NMRK2: variants seen among roughly 807,000 people sequenced by gnomAD.
NMRK2 encodes the protein NRK 2.
A neutral mutation model predicts 24.7 loss-of-function variants in NMRK2; 34 were observed. The observed-to-expected ratio is 1.37, with a 90% CI of 1.05 to 1.83. The LOEUF is 1.83. Among genes scored for constraint, NMRK2 ranks in the 40% most tolerant of loss-of-function variants. NMRK2 has a pLI of 0.00. For synonymous variants in NMRK2, 145 were observed against 125.6 expected (o/e 1.15, Z -1.03); for missense variants, 341 against 315.0 (o/e 1.08, Z -0.62).
Position 3,941,075 on chromosome 19 carries a change from C to A in NMRK2, c.400C>A (p.Arg134Ser). 1 of 1,610,060 alleles carries A rather than the reference C, an allele frequency of 6.2e-7. No homozygotes were observed. The highest frequency in any genetic ancestry group is 2.2e-5 in the East Asian group (1 of 44,796). The part of the protein sequence containing the change: ...YEECKWRRST[R>S]NYTVPDPPGL... ...CCTTGCCTTCTCCCTCTGCAGTACC[C>A]GCAACTACACAGTCCCTGATCCCCC... The change falls in exon 7 of 8, where the codon CGC (arginine) becomes AGC (serine). Residue 134 changes from arginine (R) to serine (S), a missense_variant. By Grantham distance (110) the Arg-to-Ser change is moderately radical. Transcript: ENST00000168977.
At chr19:3,933,354 G>A (rs1245831846) in intron 1 of NMRK2, 104 bp from the exon 2 acceptor site, 4 of 413,486 alleles carry the variant, frequency 9.7e-6, no homozygotes, top group African/African-American at 6.4e-5. Context: ...GGGTAAGAAG[G>A]GGAGGAGAGG....
chr19:3,939,870 T>G (rs372177012), intron 5 of NMRK2, 30 bp from the exon 6 acceptor site: 2 of 1,596,052 alleles, frequency 1.3e-6, no homozygotes, highest in Non-Finnish European at 1.7e-6. Flanking sequence ...AGCTCACAGG[T>G]GCTGACCGTG....
chr19:3,934,303 C>T (rs1317704087), intron 2 of NMRK2, among the ~76,000 whole-genome samples: 1 of 152,150 alleles, frequency 6.6e-6, no homozygotes, highest in Non-Finnish European at 1.5e-5. Context: ...ACCCTCCTCC[C>T]GCCTCGTGGC....
rs747424013 is a variant in NMRK2 at position 3,942,064 on chromosome 19, G to A, written c.503-19G>A. On this transcript the variant is annotated intron_variant, in intron 7 of 7. Transcript: ENST00000168977. ...CCCCCTTCCTCCCGGCAGCCCTGAC[G>A]CAGCCTTTCTGATTTCAGTCTACCT... 4.7e-5 allele frequency: 76 copies of A among 1,607,858 alleles called. No homozygotes were observed. Among genetic ancestry groups the A allele is most frequent in the Middle Eastern group, 1.6e-4 (1 of 6,062 alleles).
In NMRK2 at chr19:3,938,822, GTTTTTTTTTTTT is replaced by G. The variant is rs1178177619; in HGVS notation, c.323+73_323+84del. 217 of 183,774 alleles carry G rather than the reference GTTTTTTTTTTTT, an allele frequency of 1.2e-3. 4 individuals are homozygous for G. The highest frequency in any genetic ancestry group is 1.0e-2 in the African/African-American group (192 of 19,242). The allele number at this position is 183,774 out of a possible 1,614,324, so 11.4% of individuals were successfully genotyped here. On this transcript the variant is annotated intron_variant, in intron 5 of 7. Coordinates refer to ENST00000168977, the MANE Select transcript of NMRK2 (RefSeq NM_170678.3). ...CTCTGGGCGGGTATAGCCATCTCTTGTTTTTTTTTTTTTTTTTTTTTGTTTTGTTTTTTTTTT... is the reference window on the plus strand; with the variant it reads ...CTCTGGGCGGGTATAGCCATCTCTTGTTTTTTTTTGTTTTGTTTTTTTTTT...
chr19:3,941,749 T>A (rs2039337010), intron 7 of NMRK2, among the ~76,000 whole-genome samples: 1 of 151,908 alleles, frequency 6.6e-6, no homozygotes, highest in African/African-American at 2.4e-5. Context: ...TTCAAGCCTT[T>A]CCCCTGCCTC....
chr19:3,940,882 G>A (rs968765507), intron 6 of NMRK2, among the ~76,000 whole-genome samples, 189 bp from the exon 7 acceptor site: 1 of 152,192 alleles, frequency 6.6e-6, no homozygotes, highest in African/African-American at 2.4e-5. Context: ...ACCCTGTCCA[G>A]GGCATCTCCC....
chr19:3,940,028 G>C (rs377251978), intron 6 of NMRK2, 57 bp downstream of exon 6: 9 of 1,493,390 alleles, frequency 6.0e-6, no homozygotes, highest in African/African-American at 4.2e-5. Flanking sequence ...TTGAATTACT[G>C]GGTGGAACCA....
chr19:3,940,532 T>C (rs1599164977), intron 6 of NMRK2, among the ~76,000 whole-genome samples: 3 of 150,804 alleles, frequency 2.0e-5, no homozygotes, highest in African/African-American at 7.3e-5. Flanking sequence ...GGTCAGGAGT[T>C]TGAGACCAGC....
At chr19:3,936,835 G>C (rs914089191) in intron 3 of NMRK2, among the ~76,000 whole-genome samples, 170 bp downstream of exon 3, 1 of 152,168 alleles carries the variant, frequency 6.6e-6, no homozygotes, top group African/African-American at 2.4e-5. Flanking sequence ...AGGAAAGTGA[G>C]GGACGGGTGT....
At chr19:3,935,552 A>G (rs1176834244) in intron 2 of NMRK2, among the ~76,000 whole-genome samples, 4 of 151,160 alleles carry the variant, frequency 2.6e-5, no homozygotes, top group African/African-American at 9.7e-5. Flanking sequence ...CACCACGACC[A>G]GCTAAAATTG....
rs202098317 is a variant in NMRK2, at chr19:3,935,387, CTT to C, written c.27-1187_27-1186del. 9.6e-3 allele frequency among the ~76,000 whole-genome samples: 1,457 copies of C among 151,090 alleles called. 10 individuals are homozygous for C. Among genetic ancestry groups the C allele is most frequent in the Non-Finnish European group, 0.016 (1,117 of 67,892 alleles). ...TATCTTGCCTCAGCCTCCCTAGTAG[CTT>C]GGATTATAGGCACCCACCACTACGC... On this transcript the variant is annotated intron_variant, in intron 2 of 7. Transcript: ENST00000168977.
At chr19:3,935,095 G>A (rs2039191492) in intron 2 of NMRK2, among the ~76,000 whole-genome samples, 1 of 151,514 alleles carries the variant, frequency 6.6e-6, no homozygotes, top group Non-Finnish European at 1.5e-5. Flanking sequence ...ATGTTGCCTA[G>A]GCTGGTCTGA....
In NMRK2 at chr19:3,942,191, GC is replaced by G; in HGVS notation, c.614del (p.Pro205GlnfsTer60). 6.2e-7 allele frequency: 1 copy of G among 1,613,094 alleles called. No individual in the cohort carries two copies. Among genetic ancestry groups the G allele is most frequent in the Admixed American group, 1.7e-5 (1 of 59,984 alleles). On this transcript the variant is annotated frameshift_variant, in exon 8 of 8. Coordinates refer to ENST00000168977, the MANE Select transcript of NMRK2 (RefSeq NM_170678.3). LOFTEE classifies it low-confidence loss of function (END_TRUNC). ...CAGGAATCAGCCCCCTCCCCGGCTC[GC>G]CCAGCCAGGACACAGGGACCCGGAC... ...RSQESAPSPARPARTQGPGRG... is the reference protein window; with the variant it reads ...RSQESAPSPAXPARTQGPGRG...
chr19:3,940,300 C>T (rs1305783394), intron 6 of NMRK2, among the ~76,000 whole-genome samples: 2 of 129,746 alleles, frequency 1.5e-5, no homozygotes, highest in African/African-American at 6.1e-5. Context: ...TGGGACACTG[C>T]ACTTTAGACT....
chr19:3,936,321 T>C (rs1304170338), intron 2 of NMRK2, among the ~76,000 whole-genome samples: 2 of 152,014 alleles, frequency 1.3e-5, no homozygotes, highest in African/African-American at 2.4e-5. Flanking sequence ...GGCAGGAGAA[T>C]TGCTTGAACC....
At chr19:3,935,965 C>T (rs141147693) in intron 2 of NMRK2, among the ~76,000 whole-genome samples, 3,242 of 152,102 alleles carry the variant, frequency 0.021, 116 homozygotes, top group African/African-American at 0.072. Flanking sequence ...AATCCCAGCA[C>T]TTTGGGAGGC....
rs770389180 is a variant in NMRK2 at position 3,937,305 on chromosome 19, C to T, written c.166+17C>T. ...AGTGGGACGGTAAGGACAAGCATCACCTCCAAGCCCCACTATCCCCCGGGG... is the reference window on the plus strand; with the variant it reads ...AGTGGGACGGTAAGGACAAGCATCATCTCCAAGCCCCACTATCCCCCGGGG... On this transcript the variant is annotated intron_variant, in intron 4 of 7. Coordinates refer to ENST00000168977, the MANE Select transcript of NMRK2 (RefSeq NM_170678.3). 22 of 1,611,364 alleles carry T rather than the reference C, an allele frequency of 1.4e-5. No individual in the cohort carries two copies. Among genetic ancestry groups the T allele is most frequent in the Non-Finnish European group, 1.8e-5 (21 of 1,178,116 alleles).
chr19:3,941,572 A>G (rs2039333963), intron 7 of NMRK2, among the ~76,000 whole-genome samples: 1 of 151,992 alleles, frequency 6.6e-6, no homozygotes, highest in East Asian at 1.9e-4. Context: ...AACGCCCTTC[A>G]GTACTCCCCA....
Sources: gnomAD v4.1 joint callset for allele counts (sites outside exome capture counted in the v4.1 genomes callset) on GRCh38, gnomAD v4.1.1 for gene constraint, MANE v1.5 for transcripts, NCBI Gene and HGNC (gene_info 2026-07-23, HGNC 2026-07-21) for gene names.